Variants in CDH12 observed in about 807,000 individuals in gnomAD.
CDH12 encodes the protein cadherin-12.
CDH12 carries 41 observed loss-of-function variants against 74.1 expected under a neutral mutation model. The observed-to-expected ratio is 0.55, with a 90% CI of 0.43 to 0.72. The LOEUF is 0.72. Ranked by LOEUF, CDH12 falls within the 30% of genes least tolerant of loss-of-function variation. The pLI, the probability that CDH12 is intolerant of heterozygous loss-of-function variation, is 0.00. For missense variants in CDH12, 945 were observed against 977.2 expected (o/e 0.97, Z 0.44); for synonymous variants, 399 against 355.0 (o/e 1.12, Z -1.39).
At chr5:21,900,624 C>A (rs996663559) in intron 6 of CDH12, among the ~76,000 whole-genome samples, 1 of 152,118 alleles carries the variant, frequency 6.6e-6, no homozygotes, top group Non-Finnish European at 1.5e-5. Flanking sequence ...TGGTATTTAT[C>A]TTTTTTCACT....
chr5:22,230,735 C>T (rs974866569), intron 3 of CDH12, among the ~76,000 whole-genome samples: 2 of 152,062 alleles, frequency 1.3e-5, no homozygotes, highest in Non-Finnish European at 2.9e-5. Flanking sequence ...TCCCAAAGTG[C>T]TGGGATTACA....
intron 2 of CDH12, among the ~76,000 whole-genome samples, chr5:22,459,627 A>T (rs1011897201): frequency 1.3e-5 from 2 of 152,184 alleles, no homozygotes; most frequent in Non-Finnish European, 2.9e-5. Flanking sequence ...ATAATCCATA[A>T]GCCATAGAGC....
intron 2 of CDH12, among the ~76,000 whole-genome samples, chr5:22,488,381 T>C (rs1746695920): frequency 6.6e-6 from 1 of 152,334 alleles, no homozygotes; most frequent in East Asian, 1.9e-4. Context: ...TCCAGTGTCA[T>C]GGCTATCTTA....
At chr5:22,238,377 A>T (rs1317105827) in intron 3 of CDH12, among the ~76,000 whole-genome samples, 1 of 150,920 alleles carries the variant, frequency 6.6e-6, no homozygotes, top group African/African-American at 2.5e-5. Context: ...TCAAATGGAT[A>T]ATTCAAATGG....
chr5:22,219,438 C>T (rs542474471), intron 3 of CDH12, among the ~76,000 whole-genome samples: 37 of 151,726 alleles, frequency 2.4e-4, no homozygotes, highest in Non-Finnish European at 4.6e-4. Flanking sequence ...ACCCAGTTTC[C>T]TCTCATGTCA....
chr5:22,782,818 A>G lies in CDH12; in HGVS notation c.-523+70240T>C, dbSNP rs575737550. ...GGATTTGGTGGAGCAGCATACCTAG[A>G]ACATGCATTAGAGGGCATATGTCAA... On this transcript the variant is annotated intron_variant, in intron 1 of 14. Coordinates refer to ENST00000382254, the MANE Select transcript of CDH12 (RefSeq NM_004061.5). Among the ~76,000 whole-genome samples the G allele has an allele frequency of 2.1e-4, 32 of 152,332 alleles. No homozygotes were observed. In the South Asian group the frequency reaches 6.6e-3, roughly 32 times the overall value.
At chr5:22,516,575 G>A (rs774531582) in intron 1 of CDH12, among the ~76,000 whole-genome samples, 2 of 151,906 alleles carry the variant, frequency 1.3e-5, no homozygotes, top group African/African-American at 2.4e-5. Flanking sequence ...TGGGTGGATC[G>A]CTTGTGTCCA....
chr5:22,624,859 A>G (rs1465131601), intron 1 of CDH12, among the ~76,000 whole-genome samples: 1 of 152,232 alleles, frequency 6.6e-6, no homozygotes, highest in East Asian at 1.9e-4. Flanking sequence ...ACACATGCAC[A>G]CGTATGTTTA....
At chr5:21,823,345 C>T (rs140337600) in intron 8 of CDH12, among the ~76,000 whole-genome samples, 3,416 of 152,134 alleles carry the variant, frequency 0.022, 68 homozygotes, top group Non-Finnish European at 0.033. Context: ...ATCATAGTTT[C>T]CTGTCTTACC....
intron 3 of CDH12, among the ~76,000 whole-genome samples, chr5:22,246,475 A>C (rs72742046): frequency 1.3e-5 from 2 of 152,102 alleles, no homozygotes; most frequent in African/African-American, 4.8e-5. Flanking sequence ...TACTGACTTA[A>C]GTTTCACATT....
intron 6 of CDH12, among the ~76,000 whole-genome samples, chr5:21,866,180 A>G (rs1751315943): frequency 6.6e-6 from 1 of 152,178 alleles, no homozygotes; most frequent in South Asian, 2.1e-4. Flanking sequence ...TAAATTGCCC[A>G]GACTCCAGTG....
At chr5:22,781,505 G>C (rs1747382485) in intron 1 of CDH12, among the ~76,000 whole-genome samples, 1 of 152,012 alleles carries the variant, frequency 6.6e-6, no homozygotes, top group African/African-American at 2.4e-5. Context: ...CCCACCACAG[G>C]ACTCTTATTT....
At chr5:22,104,927 T>C (rs1403177687) in intron 4 of CDH12, among the ~76,000 whole-genome samples, 5 of 152,106 alleles carry the variant, frequency 3.3e-5, no homozygotes, top group African/African-American at 1.2e-4. Flanking sequence ...AATTAAGGTG[T>C]TGCTAGGGCT....
chr5:22,107,509 ATG>A (rs200448803), intron 4 of CDH12, among the ~76,000 whole-genome samples: 2 of 150,348 alleles, frequency 1.3e-5, no homozygotes, highest in Non-Finnish European at 3.0e-5. Flanking sequence ...TAATAATTAT[ATG>A]TGTATATATA....
At chr5:21,809,739 T>C (rs1376744808) in intron 9 of CDH12, among the ~76,000 whole-genome samples, 1 of 152,154 alleles carries the variant, frequency 6.6e-6, no homozygotes, top group Non-Finnish European at 1.5e-5. Context: ...AAACATCTTA[T>C]ATATTTCAGG....
chr5:21,937,508 T>A (rs912525897), intron 6 of CDH12, among the ~76,000 whole-genome samples: 3 of 152,096 alleles, frequency 2.0e-5, no homozygotes, highest in African/African-American at 7.2e-5. Context: ...ATAACTAAAG[T>A]TCAATTGGAT....
Position 22,631,890 on chromosome 5 carries a change from C to T in CDH12, c.-522-126526G>A, listed in dbSNP as rs943883810. On this transcript the variant is annotated intron_variant, in intron 1 of 14. Transcript: ENST00000382254. ...TGAGAACTCTATCACAAGACAGCAC[C>T]AAGGGGTCGGTGTTAAACCATTTAT... Among the ~76,000 whole-genome samples the T allele has an allele frequency of 2.6e-5, 4 of 152,044 alleles. No individual in the cohort carries two copies. In the South Asian group the frequency reaches 6.2e-4, roughly 24 times the overall value.
At chr5:21,991,527 TAG>T (rs1757750945) in intron 5 of CDH12, among the ~76,000 whole-genome samples, 1 of 404 alleles carries the variant, frequency 2.5e-3, no homozygotes, top group Non-Finnish European at 5.2e-3. Flanking sequence ...GTTATATATA[TAG>T]GTTATATATA....
chr5:22,234,929 C>T (rs1360842008), intron 3 of CDH12, among the ~76,000 whole-genome samples: 1 of 151,590 alleles, frequency 6.6e-6, no homozygotes, highest in African/African-American at 2.4e-5. Context: ...AATGTTTGTA[C>T]AAACCAACAA....
Sources: gnomAD v4.1 joint callset for allele counts (sites outside exome capture counted in the v4.1 genomes callset) on GRCh38, gnomAD v4.1.1 for gene constraint, MANE v1.5 for transcripts, NCBI Gene and HGNC (gene_info 2026-07-23, HGNC 2026-07-21) for gene names.